The following CALN1 variants were observed in gnomAD, a reference collection of about 807,000 sequenced individuals.
The protein encoded by CALN1 is calneuron 1.
A neutral mutation model predicts 30.6 loss-of-function variants in CALN1; 17 were observed. That is an observed-to-expected ratio of 0.56 (90% CI 0.38 to 0.83). The LOEUF (loss-of-function observed/expected upper bound fraction) is 0.83, where lower values mean the gene tolerates loss of function less well. CALN1 is among the 40% of genes least tolerant of loss of function. The probability of loss-of-function intolerance (pLI) is 0.00; values close to 1 mark genes in which losing one functional copy is unlikely to be tolerated. For synonymous variants in CALN1, 156 were observed against 131.4 expected, an observed-to-expected ratio of 1.19 and a Z score of -1.28; for missense variants, 291 against 354.9, an observed-to-expected ratio of 0.82 and a Z score of 1.45.
At chr7:71,902,824 C>T (rs1793932337) in intron 5 of CALN1, among the ~76,000 whole-genome samples, 1 of 151,958 alleles carries the variant, frequency 6.6e-6, no homozygotes, top group South Asian at 2.1e-4. Context: ...GAAATAATGT[C>T]TTTGACAGCC....
At chr7:72,173,904 G>A (rs1789155326) in intron 3 of CALN1, among the ~76,000 whole-genome samples, 1 of 149,964 alleles carries the variant, frequency 6.7e-6, no homozygotes, top group African/African-American at 2.4e-5. Context: ...CACACAAAAA[G>A]TATGAATCAT....
At chr7:71,837,739 C>T (rs1180424765) in intron 5 of CALN1, among the ~76,000 whole-genome samples, 4 of 152,062 alleles carry the variant, frequency 2.6e-5, no homozygotes, top group Non-Finnish European at 5.9e-5. Context: ...GAACTGAAAC[C>T]ATCCACATCT....
At chr7:71,976,267 A>T (rs138748216) in intron 5 of CALN1, among the ~76,000 whole-genome samples, 242 of 152,236 alleles carry the variant, frequency 1.6e-3, no homozygotes, top group Admixed American at 3.0e-3. Flanking sequence ...ATCACGTAAC[A>T]TCCCCAAGCA....
chr7:71,944,881 G>A (rs903914795), intron 5 of CALN1, among the ~76,000 whole-genome samples: 1 of 152,174 alleles, frequency 6.6e-6, no homozygotes, highest in Non-Finnish European at 1.5e-5. Context: ...GGAGGCAGGA[G>A]AAAACACATG....
chr7:72,394,842 G>C (rs916130554), intron 2 of CALN1, among the ~76,000 whole-genome samples: 1 of 151,704 alleles, frequency 6.6e-6, no homozygotes, highest in African/African-American at 2.4e-5. Flanking sequence ...TTTTTTTGTA[G>C]AGATGGACTC....
chr7:72,326,884 CA>C lies in CALN1; in HGVS notation c.120-48075del, dbSNP rs570986720. ...TCTCTGACTGAGTCTCCCCATCTGTCAAATGAGCTAACCAAGGTTCCTCTTC... is the reference window on the plus strand; with the variant it reads ...TCTCTGACTGAGTCTCCCCATCTGTCAATGAGCTAACCAAGGTTCCTCTTC... On this transcript the variant is annotated intron_variant, in intron 2 of 6. Coordinates refer to ENST00000395275, the MANE Select transcript of CALN1 (RefSeq NM_031468.4). Among the ~76,000 whole-genome samples the C allele has an allele frequency of 7.9e-5, 12 of 152,304 alleles. No homozygotes were observed. The East Asian group carries it at 1.9e-3, about 25-fold the overall frequency.
chr7:72,387,516 T>A (rs1805306333), intron 2 of CALN1, among the ~76,000 whole-genome samples: 2 of 152,088 alleles, frequency 1.3e-5, no homozygotes, highest in Admixed American at 6.5e-5. Flanking sequence ...AAGGTCAACA[T>A]CAACGGTGAC....
intron 2 of CALN1, among the ~76,000 whole-genome samples, chr7:72,295,938 T>C (rs1231811566): frequency 6.6e-6 from 1 of 152,026 alleles, no homozygotes; most frequent in Non-Finnish European, 1.5e-5. Flanking sequence ...CCCTGTCTTG[T>C]GCCAGTTTTC....
chr7:72,143,324 GAATGCA>G (rs1173349864), intron 3 of CALN1, among the ~76,000 whole-genome samples: 1 of 152,200 alleles, frequency 6.6e-6, no homozygotes, highest in Non-Finnish European at 1.5e-5. Flanking sequence ...ACTACGTGAA[GAATGCA>G]CAAGCTTCAG....
chr7:72,286,812 G>A (rs1173984772), intron 2 of CALN1, among the ~76,000 whole-genome samples: 2 of 152,174 alleles, frequency 1.3e-5, no homozygotes, highest in African/African-American at 4.8e-5. Flanking sequence ...CTTTCAAGAA[G>A]AAGTACAGCA....
chr7:72,295,240 A>C (rs1005034814), intron 2 of CALN1, among the ~76,000 whole-genome samples: 1 of 152,208 alleles, frequency 6.6e-6, no homozygotes, highest in Non-Finnish European at 1.5e-5. Context: ...TCAATGTTTA[A>C]ATTAAAGTTA....
intron 3 of CALN1, among the ~76,000 whole-genome samples, chr7:72,110,233 C>A (rs561184338): frequency 6.6e-6 from 1 of 152,118 alleles, no homozygotes; most frequent in East Asian, 1.9e-4. Flanking sequence ...GACACCCCAG[C>A]GGGCCCTAGC....
At chr7:72,057,383 C>CTTTTTTTTTTTTTTTTTTTTTT (rs60838093) in intron 4 of CALN1, among the ~76,000 whole-genome samples, 3 of 101,906 alleles carry the variant, frequency 2.9e-5, no homozygotes, top group Admixed American at 1.1e-4. Context: ...TTTAAATGTT[C>CTTTTTTTTTTTTTTTTTTTTTT]TTTTTTTTTT....
intron 1 of CALN1, among the ~76,000 whole-genome samples, chr7:72,433,227 C>T (rs1388202667): frequency 1.3e-5 from 2 of 152,130 alleles, no homozygotes; most frequent in Non-Finnish European, 2.9e-5. Flanking sequence ...AGGTAGCAGC[C>T]TAAAGTGTCC....
At chr7:71,819,060 G>T (rs1349085040) in intron 5 of CALN1, among the ~76,000 whole-genome samples, 1 of 151,904 alleles carries the variant, frequency 6.6e-6, no homozygotes, top group Non-Finnish European at 1.5e-5. Flanking sequence ...TTGCTATGTC[G>T]CCCAGGCTGG....
chr7:72,265,006 A>G (rs1796514853), intron 3 of CALN1, among the ~76,000 whole-genome samples: 1 of 152,070 alleles, frequency 6.6e-6, no homozygotes, highest in Admixed American at 6.6e-5. Flanking sequence ...GTACCTGCTA[A>G]TTTTTGTAGT....
chr7:72,271,039 C>G (rs903590988), intron 3 of CALN1, among the ~76,000 whole-genome samples: 8 of 152,094 alleles, frequency 5.3e-5, no homozygotes, highest in African/African-American at 1.9e-4. Context: ...TATGTAAGGA[C>G]CAAGAGATAA....
intron 2 of CALN1, among the ~76,000 whole-genome samples, chr7:72,395,231 A>T (rs566597667): frequency 1.3e-5 from 2 of 152,320 alleles, no homozygotes; most frequent in South Asian, 4.1e-4. Context: ...GGGCCCCAGA[A>T]TATGTCAGTT....
At chr7:72,095,295 G>C (rs1806143789) in intron 4 of CALN1, among the ~76,000 whole-genome samples, 1 of 152,138 alleles carries the variant, frequency 6.6e-6, no homozygotes, top group Non-Finnish European at 1.5e-5. Context: ...AACTCTGCAT[G>C]CATTAGCTAG....
Sources: gnomAD v4.1 joint callset for allele counts (sites outside exome capture counted in the v4.1 genomes callset) on GRCh38, gnomAD v4.1.1 for gene constraint, MANE v1.5 for transcripts, NCBI Gene and HGNC (gene_info 2026-07-23, HGNC 2026-07-21) for gene names.